The following LMO7 variants were observed in gnomAD, a reference collection of about 807,000 sequenced individuals.
The protein encoded by LMO7 is LIM domain only protein 7.
Under a neutral mutation model 206.5 loss-of-function variants are expected in LMO7, and 120 were observed. The ratio of observed to expected loss-of-function variants is 0.58; its 90% CI spans 0.50 to 0.68. The LOEUF is 0.68. Among genes scored for constraint, LMO7 ranks in the 30% least tolerant of loss-of-function variants. The pLI, the probability that LMO7 is intolerant of heterozygous loss-of-function variation, is 0.00. For missense variants in LMO7, 1,959 were observed against 1,957.9 expected, an observed-to-expected ratio of 1.00 and a Z score of -0.01; for synonymous variants, 706 against 681.5, an observed-to-expected ratio of 1.04 and a Z score of -0.56.
intron 7 of LMO7, among the ~76,000 whole-genome samples, chr13:75,801,237 CAAAA>C (rs200955354): frequency 8.8e-6 from 1 of 113,420 alleles, no homozygotes; most frequent in African/African-American, 3.3e-5. Flanking sequence ...TAAGATTCTG[CAAAA>C]AAAAAAAAAA....
chr13:75,715,258 G>A (rs2043444597), intron 2 of LMO7, among the ~76,000 whole-genome samples: 1 of 152,174 alleles, frequency 6.6e-6, no homozygotes, highest in African/African-American at 2.4e-5. Context: ...TGCATAGTGT[G>A]ACCAAGGAGG....
chr13:75,826,193 A>G (rs982462623), intron 15 of LMO7, among the ~76,000 whole-genome samples: 2 of 151,906 alleles, frequency 1.3e-5, no homozygotes, highest in African/African-American at 4.8e-5. Flanking sequence ...AGCACATGCC[A>G]CCACGCCTGG....
At chr13:75,824,769 A>G (rs558571146) in intron 15 of LMO7, among the ~76,000 whole-genome samples, 1 of 152,230 alleles carries the variant, frequency 6.6e-6, no homozygotes, top group South Asian at 2.1e-4. Flanking sequence ...TATTATATAC[A>G]TTAAGTATGT....
At position 75,796,716 on chromosome 13, in the gene LMO7, G is replaced by A. The variant is rs144086518; in HGVS notation, c.429G>A (p.Ala143=). Residue 143 remains alanine (A), a synonymous_variant, in exon 6 of 31, where the codon GCG becomes GCA. Coordinates refer to ENST00000377534, the MANE Select transcript of LMO7 (RefSeq NM_001306080.2). The stretch of plus-strand genomic sequence containing the variant: ...ATGGTCCCCATCTTAATTTGAAAGC[G>A]TTTGAGAATCTTTTAGGACAAGCAC... The part of the protein sequence containing the change: ...YYNGPHLNLK[A]FENLLGQALT... 28 of 1,612,992 alleles carry A rather than the reference G, an allele frequency of 1.7e-5. No homozygotes were observed. Among genetic ancestry groups the A allele is most frequent in the South Asian group, 7.7e-5 (7 of 91,024 alleles).
At chr13:75,692,628 G>T (rs962325235) in intron 1 of LMO7, among the ~76,000 whole-genome samples, 1 of 151,948 alleles carries the variant, frequency 6.6e-6, no homozygotes, top group Non-Finnish European at 1.5e-5. Flanking sequence ...CACTGCACTC[G>T]GCCATTTTTT....
upstream of LMO7, among the ~76,000 whole-genome samples, chr13:75,633,199 A>G (rs1193175767): frequency 1.3e-5 from 2 of 152,012 alleles, no homozygotes; most frequent in East Asian, 3.9e-4. Flanking sequence ...CAAGAGAGAA[A>G]TATCTTTCCA....
At chr13:75,719,876 T>A (rs1302301893) in intron 2 of LMO7, among the ~76,000 whole-genome samples, 1 of 152,224 alleles carries the variant, frequency 6.6e-6, no homozygotes, top group Non-Finnish European at 1.5e-5. Flanking sequence ...GATTGCTGGA[T>A]CATATGGTAA....
chr13:75,656,325 A>G (rs1332786695), intron 1 of LMO7, among the ~76,000 whole-genome samples: 1 of 152,210 alleles, frequency 6.6e-6, no homozygotes, highest in Non-Finnish European at 1.5e-5. Flanking sequence ...AGAAGATTGC[A>G]TTTAATATGC....
intron 27 of LMO7, among the ~76,000 whole-genome samples, chr13:75,852,365 C>T (rs1298247646): frequency 1.3e-5 from 2 of 152,200 alleles, no homozygotes; most frequent in East Asian, 1.9e-4. Flanking sequence ...GGTTGAGGAT[C>T]GAAAAACTAC....
chr13:75,804,657 A>G, intron 8 of LMO7, 116 bp downstream of exon 8: 1 of 1,258,106 alleles, frequency 7.9e-7, no homozygotes, highest in South Asian at 1.6e-5. Flanking sequence ...ATTAAGCTTG[A>G]CTAGTGAGAA....
At chr13:75,804,145 C>T (rs1383316227) in intron 7 of LMO7, 144 bp from the exon 8 acceptor site, 54 of 814,194 alleles carry the variant, frequency 6.6e-5, no homozygotes, top group Non-Finnish European at 9.4e-5. Context: ...ATCACAACTT[C>T]GTGACAAATT....
At chr13:75,795,316 A>G in intron 4 of LMO7, 85 bp from the exon 5 acceptor site, 1 of 861,344 alleles carries the variant, frequency 1.2e-6, no homozygotes, top group Non-Finnish European at 1.9e-6. Context: ...ATAGAATTTT[A>G]GAATAAAAAT....
rs78805275 is a variant in LMO7 at position 75,816,562 on chromosome 13, A to G, written c.1947-599A>G. 5.3e-3 allele frequency among the ~76,000 whole-genome samples: 802 copies of G among 152,344 alleles called. 8 individuals carry two copies. Among genetic ancestry groups the G allele is most frequent in the African/African-American group, 0.017 (719 of 41,574 alleles). ...AGTTGAAAGCATGCAAGCTGCCCTA[A>G]TAAAAGAAGAGGGTTATAGAGGTAG... On this transcript the variant is annotated intron_variant, in intron 11 of 30. Coordinates refer to ENST00000377534, the MANE Select transcript of LMO7 (RefSeq NM_001306080.2).
chr13:75,749,116 G>T (rs1229612788), intron 3 of LMO7, among the ~76,000 whole-genome samples: 2 of 152,036 alleles, frequency 1.3e-5, no homozygotes, highest in Admixed American at 1.3e-4. Context: ...TGAGTCCCTG[G>T]GGCTGGAAAT....
intron 1 of LMO7, among the ~76,000 whole-genome samples, chr13:75,656,114 T>C (rs1462616962): frequency 6.6e-6 from 1 of 152,196 alleles, no homozygotes; most frequent in Non-Finnish European, 1.5e-5. Flanking sequence ...TCCAGGTCTA[T>C]CTGTGGATCA....
rs150972843 is a variant in LMO7 at position 75,804,497 on chromosome 13, T to G, written c.870T>G (p.Ser290Arg). 20 of 1,614,162 alleles carry G rather than the reference T, an allele frequency of 1.2e-5. No individual in the cohort carries two copies. Among genetic ancestry groups the G allele is most frequent in the Middle Eastern group, 1.6e-4 (1 of 6,062 alleles). Reference protein sequence around the residue: ...KPDKHEDNRRSWASPVYTEAD... With the variant: ...KPDKHEDNRRRWASPVYTEAD... ...ACAAACATGAGGATAACAGAAGAAG[T>G]TGGGCAAGCCCGGTTTATACAGAAG... Residue 290 changes from serine to arginine, a missense_variant, in exon 8 of 31, where the codon AGT becomes AGG. Transcript: ENST00000377534.
intron 1 of LMO7, among the ~76,000 whole-genome samples, chr13:75,674,947 G>T (rs1199294479): frequency 6.6e-6 from 1 of 152,186 alleles, no homozygotes; most frequent in Non-Finnish European, 1.5e-5. Flanking sequence ...GATTAAATCT[G>T]CCAGCAAATA....
intron 1 of LMO7, among the ~76,000 whole-genome samples, chr13:75,711,181 T>C (rs1334123074): frequency 3.3e-5 from 5 of 152,240 alleles, no homozygotes; most frequent in African/African-American, 4.8e-5. Flanking sequence ...CTTCTTGATG[T>C]GCTGCTGGAT....
Position 75,835,254 on chromosome 13 carries a change from T to C in LMO7, c.3248T>C (p.Ile1083Thr). The change falls in exon 18 of 31, where the codon ATT becomes ACT. Residue 1083 changes from isoleucine (I) to threonine (T), a missense_variant. By Grantham distance (89) the Ile-to-Thr change is moderately conservative. Transcript: ENST00000377534. The stretch of plus-strand genomic sequence containing the variant: ...ATAGGTTCACCTGAAACAAAGTGGA[T>C]TGATGCAACTTCTGGAATTTACAAC... ...GKAGSPETKW[I>T]DATSGIYNSE... The C allele has an allele frequency of 1.2e-6, 2 of 1,612,208 alleles. No homozygotes were observed. Among genetic ancestry groups the C allele is most frequent in the Non-Finnish European group, 1.7e-6 (2 of 1,178,958 alleles).
Sources: allele counts gnomAD v4.1 joint callset (sites outside exome capture counted in the v4.1 genomes callset), GRCh38; gene constraint gnomAD v4.1.1; transcripts MANE v1.5; gene names NCBI Gene and HGNC (gene_info 2026-07-23, HGNC 2026-07-21).